Variants in PDGFC observed in about 807,000 individuals in gnomAD.
PDGFC encodes the protein platelet-derived growth factor C.
A neutral mutation model predicts 35.5 loss-of-function variants in PDGFC; 12 were observed. The observed-to-expected ratio is 0.34, with a 90% CI of 0.22 to 0.55. PDGFC has a LOEUF of 0.55. Among genes scored for constraint, PDGFC ranks in the 20% least tolerant of loss-of-function variants. The pLI is 0.91. For synonymous variants in PDGFC, 159 were observed against 148.8 expected, an observed-to-expected ratio of 1.07 and a Z score of -0.50; for missense variants, 322 against 412.4, an observed-to-expected ratio of 0.78 and a Z score of 1.90.
intron 3 of PDGFC, among the ~76,000 whole-genome samples, chr4:156,794,459 A>T (rs1342828169): frequency 6.6e-6 from 1 of 152,056 alleles, no homozygotes; most frequent in East Asian, 1.9e-4. Context: ...AAGTAGCTTA[A>T]GATAGGGAAG....
intron 1 of PDGFC, among the ~76,000 whole-genome samples, chr4:156,858,622 A>T (rs566490990): frequency 6.6e-6 from 1 of 152,208 alleles, no homozygotes; most frequent in East Asian, 1.9e-4. Flanking sequence ...AAGGTTCACT[A>T]TTGATTTTTT....
At chr4:156,948,209 T>A in intron 1 of PDGFC, among the ~76,000 whole-genome samples, 1 of 145,104 alleles carries the variant, frequency 6.9e-6, no homozygotes, top group Non-Finnish European at 1.5e-5. Flanking sequence ...AGAGGGGATG[T>A]ACAGCTAAAA....
chr4:156,832,559 C>T (rs1728970523), intron 2 of PDGFC, among the ~76,000 whole-genome samples: 1 of 152,140 alleles, frequency 6.6e-6, no homozygotes, highest in Admixed American at 6.5e-5. Context: ...CTGGCCCATG[C>T]CATTTTCTTA....
chr4:156,845,859 A>G (rs562876575), intron 2 of PDGFC, among the ~76,000 whole-genome samples: 1 of 152,000 alleles, frequency 6.6e-6, no homozygotes, highest in South Asian at 2.1e-4. Flanking sequence ...TTTAACAGTC[A>G]TAACAGAGCC....
intron 1 of PDGFC, among the ~76,000 whole-genome samples, chr4:156,875,085 C>A (rs144923432): frequency 1.3e-5 from 2 of 151,934 alleles, no homozygotes; most frequent in Non-Finnish European, 2.9e-5. Context: ...ATGTGTATGG[C>A]CATTCAGATA....
At chr4:156,937,321 C>T (rs550807017) in intron 1 of PDGFC, among the ~76,000 whole-genome samples, 100 of 152,158 alleles carry the variant, frequency 6.6e-4, no homozygotes, top group African/African-American at 1.1e-3. Context: ...ATCTTTCCAC[C>T]GCAAACCCAA....
chr4:156,931,058 G>A (rs1731538566), intron 1 of PDGFC, among the ~76,000 whole-genome samples: 3 of 151,990 alleles, frequency 2.0e-5, no homozygotes. Context: ...GGGGCTGAGG[G>A]GATGGAGGGT....
chr4:156,800,397 T>C (rs1731568713), intron 3 of PDGFC, among the ~76,000 whole-genome samples: 2 of 152,202 alleles, frequency 1.3e-5, no homozygotes, highest in African/African-American at 2.4e-5. Context: ...GAAAGTTATA[T>C]ACAAAATCAG....
chr4:156,879,405 T>C (rs964946067), intron 1 of PDGFC, among the ~76,000 whole-genome samples: 1 of 152,184 alleles, frequency 6.6e-6, no homozygotes, highest in Non-Finnish European at 1.5e-5. Flanking sequence ...CAAAGCTTTA[T>C]AGATTTCAAT....
intron 2 of PDGFC, among the ~76,000 whole-genome samples, chr4:156,827,927 G>A (rs550275331): frequency 6.6e-6 from 1 of 152,264 alleles, no homozygotes; most frequent in South Asian, 2.1e-4. Flanking sequence ...ATGTACACAT[G>A]GGAGTGTTAA....
intron 3 of PDGFC, among the ~76,000 whole-genome samples, chr4:156,802,735 A>G (rs1292508251): frequency 1.3e-5 from 2 of 152,170 alleles, no homozygotes; most frequent in African/African-American, 2.4e-5. Flanking sequence ...GTTTTGAAGA[A>G]ACTGACTAAG....
intron 1 of PDGFC, among the ~76,000 whole-genome samples, chr4:156,887,372 T>C (rs573331143): frequency 2.6e-5 from 4 of 152,300 alleles, no homozygotes; most frequent in East Asian, 3.9e-4. Context: ...CATCATGCCA[T>C]TTTCATTTGT....
At chr4:156,784,068 C>T (rs540544900) in intron 3 of PDGFC, among the ~76,000 whole-genome samples, 11 of 152,184 alleles carry the variant, frequency 7.2e-5, no homozygotes, top group East Asian at 5.8e-4. Context: ...TGTATTGACA[C>T]GCATATATCC....
intron 1 of PDGFC, among the ~76,000 whole-genome samples, chr4:156,938,537 A>G (rs940151768): frequency 1.3e-5 from 2 of 152,160 alleles, no homozygotes; most frequent in Admixed American, 6.5e-5. Flanking sequence ...ACAGTGTAAG[A>G]ACCATGGCAA....
chr4:156,768,069 T>A (rs1730589235), intron 4 of PDGFC, 79 bp from the exon 5 acceptor site: 6 of 834,398 alleles, frequency 7.2e-6, no homozygotes, highest in Non-Finnish European at 1.2e-5. Context: ...GCTCTTTTCA[T>A]AAAGAAATCT....
chr4:156,832,031 T>C (rs1408876335), intron 2 of PDGFC, among the ~76,000 whole-genome samples: 2 of 152,052 alleles, frequency 1.3e-5, no homozygotes, highest in Non-Finnish European at 2.9e-5. Flanking sequence ...TAGTTTTCTC[T>C]TTTAAAATTT....
chr4:156,950,329 A>C (rs1732050089), intron 1 of PDGFC, among the ~76,000 whole-genome samples: 1 of 151,928 alleles, frequency 6.6e-6, no homozygotes, highest in Non-Finnish European at 1.5e-5. Flanking sequence ...TAACTAAAAT[A>C]ACCTTACTAA....
chr4:156,827,057 T>C (rs190157154), intron 2 of PDGFC, among the ~76,000 whole-genome samples: 1 of 152,130 alleles, frequency 6.6e-6, no homozygotes, highest in Non-Finnish European at 1.5e-5. Context: ...TCTGGAAAAA[T>C]ACTCTCTGAA....
chr4:156,905,474 T>C (rs1437747691), intron 1 of PDGFC, among the ~76,000 whole-genome samples: 2 of 152,100 alleles, frequency 1.3e-5, no homozygotes, highest in Non-Finnish European at 2.9e-5. Context: ...ACTGAAATCA[T>C]GACTCAAGGA....
Sources: gnomAD v4.1 joint callset for allele counts (sites outside exome capture counted in the v4.1 genomes callset) on GRCh38, gnomAD v4.1.1 for gene constraint, MANE v1.5 for transcripts, NCBI Gene and HGNC (gene_info 2026-07-23, HGNC 2026-07-21) for gene names.